Variants in TPO observed in about 807,000 individuals in gnomAD.
TPO encodes the protein thyroid microsomal antigen.
A neutral mutation model predicts 96.9 loss-of-function variants in TPO; 78 were observed. The ratio of observed to expected loss-of-function variants is 0.81; its 90% CI spans 0.67 to 0.97. The LOEUF (loss-of-function observed/expected upper bound fraction) is 0.97, where lower values mean the gene tolerates loss of function less well. TPO is among the 50% of genes least tolerant of loss of function. TPO has a pLI of 0.00. For synonymous variants in TPO, 547 were observed against 538.0 expected, an observed-to-expected ratio of 1.02 and a Z score of -0.23; for missense variants, 1,252 against 1,274.8, an observed-to-expected ratio of 0.98 and a Z score of 0.27.
In TPO at chr2:1,456,286, A is replaced by C. The variant is rs575359996; in HGVS notation, c.819+4A>C. 490 of 1,613,982 alleles carry C rather than the reference A, an allele frequency of 3.0e-4. 7 individuals carry two copies. The South Asian group carries it at 5.2e-3, about 17-fold the overall frequency. ...AAACCCATGTTTTCCCATACAAGTAAGTTTTAGAAAACGTTTCTATGTTTG... is the reference window on the plus strand; with the variant it reads ...AAACCCATGTTTTCCCATACAAGTACGTTTTAGAAAACGTTTCTATGTTTG... On this transcript the variant is annotated splice_donor_region_variant and intron_variant, in intron 7 of 16. Transcript: ENST00000329066.
At chr2:1,404,757 A>G (rs1662223818) in intron 1 of TPO, among the ~76,000 whole-genome samples, 1 of 152,208 alleles carries the variant, frequency 6.6e-6, no homozygotes, top group Non-Finnish European at 1.5e-5. Context: ...GTCCCAGGAA[A>G]TTCATACACG....
chr2:1,425,993 A>G (rs1664339775), intron 3 of TPO, among the ~76,000 whole-genome samples: 1 of 147,520 alleles, frequency 6.8e-6, no homozygotes. Context: ...ATTGTTCTAG[A>G]TGCCAGGATA....
intron 1 of TPO, among the ~76,000 whole-genome samples, chr2:1,389,428 T>C (rs1573055020): frequency 6.6e-6 from 1 of 152,330 alleles, no homozygotes; most frequent in South Asian, 2.1e-4. Flanking sequence ...CAACTGTAAT[T>C]GGAATCTCAG....
At chr2:1,444,330 C>T (rs1044568951) in intron 5 of TPO, among the ~76,000 whole-genome samples, 5 of 149,724 alleles carry the variant, frequency 3.3e-5, no homozygotes, top group Admixed American at 2.7e-4. Flanking sequence ...TTGTATGATC[C>T]AATCACTGCT....
intron 1 of TPO, among the ~76,000 whole-genome samples, chr2:1,389,895 ATTTGTCTTTGGTTTGCTG>A (rs1661970440): frequency 1.3e-5 from 2 of 151,674 alleles, no homozygotes; most frequent in African/African-American, 4.9e-5. Context: ...TCAAATTGCT[ATTTGTCTTTGGTTTGCTG>A]TTTGTCTTTT....
intron 7 of TPO, among the ~76,000 whole-genome samples, chr2:1,475,570 CCCGCCA>C (rs1385666715): frequency 6.6e-6 from 1 of 152,032 alleles, no homozygotes; most frequent in East Asian, 1.9e-4. Context: ...ACTACAGGTG[CCCGCCA>C]CCGCGCCCGG....
At chr2:1,454,207 A>G (rs1667575107) in intron 6 of TPO, among the ~76,000 whole-genome samples, 6 of 152,170 alleles carry the variant, frequency 3.9e-5, no homozygotes. Context: ...TTACTCCCAG[A>G]GGTGAATTTA....
In TPO at chr2:1,484,691, C is replaced by T. The variant is rs776898102; in HGVS notation, c.1434C>T (p.Asn478=). The part of the protein sequence containing the change: ...GPYEGYDSTA[N]PTVSNVFSTA... ...ATGAAGGCTATGACTCCACCGCCAA[C>T]CCCACTGTGTCCAACGTGTTCTCCA... is the stretch of plus-strand genomic sequence containing the variant. The change falls in exon 9 of 17, where the codon AAC becomes AAT. Residue 478 remains asparagine (N), a synonymous_variant. Coordinates refer to ENST00000329066, the MANE Select transcript of TPO (RefSeq NM_001206744.2). 2 of 1,614,052 alleles carry T rather than the reference C, an allele frequency of 1.2e-6. No homozygotes were observed. The highest frequency in any genetic ancestry group is 1.1e-5 in the South Asian group (1 of 91,084).
intron 1 of TPO, among the ~76,000 whole-genome samples, chr2:1,393,607 A>G (rs1662037559): frequency 6.6e-6 from 1 of 152,216 alleles, no homozygotes; most frequent in Admixed American, 6.5e-5. Flanking sequence ...AGTCTGTTCA[A>G]TGCTCTTCCA....
chr2:1,384,770 G>A (rs1272153815), intron 1 of TPO, among the ~76,000 whole-genome samples: 1 of 152,140 alleles, frequency 6.6e-6, no homozygotes, highest in Non-Finnish European at 1.5e-5. Flanking sequence ...TGGTGAGAGA[G>A]GGCATCCCTG....
intron 15 of TPO, among the ~76,000 whole-genome samples, chr2:1,517,844 C>A (rs1031347452): frequency 7.2e-5 from 11 of 152,258 alleles, no homozygotes; most frequent in African/African-American, 2.7e-4. Flanking sequence ...TATAAGAAGT[C>A]ATTGCAGGCC....
chr2:1,541,650 A>G (rs1207175546), intron 16 of TPO: 1 of 152,316 alleles, frequency 6.6e-6, no homozygotes, highest in Non-Finnish European at 1.5e-5. Flanking sequence ...CACTAAAATA[A>G]TAGATTTTAA....
intron 9 of TPO, among the ~76,000 whole-genome samples, chr2:1,485,552 C>T (rs1336707799): frequency 6.6e-6 from 1 of 151,664 alleles, no homozygotes; most frequent in Non-Finnish European, 1.5e-5. Context: ...TTCTCCACAT[C>T]CTCTCCAGCA....
chr2:1,525,784 TGTGTGCAACCTCACCAAATTTCCCC>T (rs1175392949), intron 15 of TPO, among the ~76,000 whole-genome samples: 7 of 143,392 alleles, frequency 4.9e-5, no homozygotes, highest in South Asian at 2.3e-4. Context: ...ATCCCGCCAC[TGTGTGCAACCTCACCAAATTTCCCC>T]GTGTGCAACC....
chr2:1,380,208 T>A (rs189358751), intron 1 of TPO, among the ~76,000 whole-genome samples: 31 of 152,038 alleles, frequency 2.0e-4, no homozygotes, highest in Admixed American at 7.2e-4. Context: ...TCCTGGCTAA[T>A]ACGGTGAAAC....
chr2:1,388,394 C>G (rs930296505), intron 1 of TPO, among the ~76,000 whole-genome samples: 10 of 152,224 alleles, frequency 6.6e-5, no homozygotes, highest in Non-Finnish European at 1.3e-4. Context: ...TTTACCTACT[C>G]AAGCCTCAGC....
rs1428656400 is a variant in TPO at position 1,496,275 on chromosome 2, AT to A, written c.2215+82del. ...CAAAGCTTATCTTCCCCAGGAGCTG[AT>A]TTTAACTTTTCACTGTTTAGAAAAT... is the stretch of plus-strand genomic sequence containing the variant. On this transcript the variant is annotated intron_variant, in intron 12 of 16. Transcript: ENST00000329066. 6 of 1,435,256 alleles carry A rather than the reference AT, an allele frequency of 4.2e-6. No homozygotes were observed. In the African/African-American group the frequency reaches 8.5e-5, roughly 20 times the overall value. 88.9% of individuals were successfully genotyped at this position (1,435,256 alleles called of 1,614,324 possible). A position where few individuals can be genotyped will look rare whatever the true frequency, so the allele number is the denominator to read the frequency against.
At chr2:1,476,879 A>G (rs536679538) in intron 7 of TPO, among the ~76,000 whole-genome samples, 4 of 146,178 alleles carry the variant, frequency 2.7e-5, no homozygotes, top group African/African-American at 7.8e-5. Flanking sequence ...TGGCTGGACC[A>G]ACCCCTGCAG....
intron 1 of TPO, among the ~76,000 whole-genome samples, chr2:1,393,580 T>C (rs1223251756): frequency 6.6e-6 from 1 of 152,206 alleles, no homozygotes; most frequent in East Asian, 1.9e-4. Flanking sequence ...AACCCGCTGA[T>C]AGCAAGCCTA....
Sources: gnomAD v4.1 joint callset for allele counts (sites outside exome capture counted in the v4.1 genomes callset) on GRCh38, gnomAD v4.1.1 for gene constraint, MANE v1.5 for transcripts, NCBI Gene and HGNC (gene_info 2026-07-23, HGNC 2026-07-21) for gene names.